C19orf84: variants seen among roughly 807,000 people sequenced by gnomAD.
C19orf84 encodes the protein piRNA-mediated silencing protein C19orf84.
In C19orf84, 1 loss-of-function variant was observed where a neutral mutation model predicts 4.0. That is an observed-to-expected ratio of 0.25 (90% CI 0.09 to 1.19). The LOEUF is 1.19. C19orf84 is among the 50% of genes most tolerant of loss of function. C19orf84 has a pLI of 0.50. For missense variants in C19orf84, 224 were observed against 246.8 expected (o/e 0.91, Z 0.62); for synonymous variants, 123 against 109.6 (o/e 1.12, Z -0.76).
rs1180011220 is a variant in C19orf84 at position 51,389,199 on chromosome 19, C to T, written c.346G>A (p.Gly116Ser). The change falls in exon 2 of 2, where the codon GGC becomes AGC. Residue 116 changes from glycine (G) to serine (S), a missense_variant. Coordinates refer to ENST00000574814, the MANE Select transcript of C19orf84 (RefSeq NM_001193623.2). The surrounding 1 kb of genome is among the most constrained non-coding windows in gnomAD (Gnocchi z 4.7). Reference sequence around the variant, plus strand: ...CGTCGATGCAGGCCTCGGCCCCAGCCTGGCCTGTGCCTGACTTCCCAGCCT... The same window carrying T: ...CGTCGATGCAGGCCTCGGCCCCAGCTTGGCCTGTGCCTGACTTCCCAGCCT... ...RGGWEVRHRP[G>S]WGRGLHRRGL... 6.5e-7 allele frequency: 1 copy of T among 1,534,626 alleles called. No homozygotes were observed. The highest frequency in any genetic ancestry group is 8.7e-7 in the Non-Finnish European group (1 of 1,146,006).
chr19:51,388,766 G>T lies in C19orf84; in HGVS notation c.*218C>A, dbSNP rs1284741524. ...TGAGGCCATCAAGGAGACAGGTTTG[G>T]GTACGAGGTTTAGGATTTTCTTCTC... On this transcript the variant is annotated 3_prime_UTR_variant, in exon 2 of 2. Coordinates refer to ENST00000574814, the MANE Select transcript of C19orf84 (RefSeq NM_001193623.2). 1.7e-6 allele frequency: 1 copy of T among 595,420 alleles called. No individual in the cohort carries two copies. Among genetic ancestry groups the T allele is most frequent in the Non-Finnish European group, 3.0e-6 (1 of 338,466 alleles). 36.9% of individuals were successfully genotyped at this position (595,420 alleles called of 1,614,324 possible).
At position 51,388,351 on chromosome 19, in the gene C19orf84, G is replaced by A. The variant is rs1599866097; in HGVS notation, c.*633C>T. On this transcript the variant is annotated 3_prime_UTR_variant, in exon 2 of 2. Transcript: ENST00000574814. ...TTTCTACCTGAAGAGCAGGCAGTGG[G>A]GTGGGGAGTCACAGGTGTCTGGGTA... 1 of 156,482 alleles carries A rather than the reference G, an allele frequency of 6.4e-6. No individual in the cohort carries two copies. Among genetic ancestry groups the A allele is most frequent in the Non-Finnish European group, 1.4e-5 (1 of 70,674 alleles). 9.7% of individuals were successfully genotyped at this position (156,482 alleles called of 1,614,324 possible). A position where few individuals can be genotyped will look rare whatever the true frequency, so the allele number is the denominator to read the frequency against.
At position 51,388,883 on chromosome 19, in the gene C19orf84, A is replaced by C; in HGVS notation, c.*101T>G. Reference sequence around the variant, plus strand: ...GGTTTTGGGGAGAGGGGAGGATGGAAGATGTTTCTTGGGGTTCTTCTGACA... The same window carrying C: ...GGTTTTGGGGAGAGGGGAGGATGGACGATGTTTCTTGGGGTTCTTCTGACA... On this transcript the variant is annotated 3_prime_UTR_variant, in exon 2 of 2. Coordinates refer to ENST00000574814, the MANE Select transcript of C19orf84 (RefSeq NM_001193623.2). 7.6e-7 allele frequency: 1 copy of C among 1,312,760 alleles called. No homozygotes were observed. The highest frequency in any genetic ancestry group is 1.0e-6 in the Non-Finnish European group (1 of 973,728). 81.3% of individuals were successfully genotyped at this position (1,312,760 alleles called of 1,614,324 possible).
At position 51,389,335 on chromosome 19, in the gene C19orf84, G is replaced by A. The variant is rs1298150609; in HGVS notation, c.210C>T (p.Ser70=). ...RLDTLSCLLH[S]ALLGAYTFQQ... ...GGAAGGTGTAGGCCCCCAGCAGGGC[G>A]CTGTGCAGGAGGCAGGAGAGGGTGT... Residue 70 remains serine (S), a synonymous_variant, in exon 2 of 2, where the codon AGC becomes AGT. Coordinates refer to ENST00000574814, the MANE Select transcript of C19orf84 (RefSeq NM_001193623.2). This position sits in a 1 kb window ranked among gnomAD's most constrained non-coding sequence, Gnocchi z 4.7. 13 of 1,534,504 alleles carry A rather than the reference G, an allele frequency of 8.5e-6. No individual in the cohort carries two copies. The highest frequency in any genetic ancestry group is 3.9e-5 in the Admixed American group (2 of 50,694).
At position 51,389,853 on chromosome 19, in the gene C19orf84, G is replaced by T. The variant is rs1987252976; in HGVS notation, c.36-344C>A. On this transcript the variant is annotated intron_variant, in intron 1 of 1. Transcript: ENST00000574814. This position sits in a 1 kb window ranked among gnomAD's most constrained non-coding sequence, Gnocchi z 4.7. Reference sequence around the variant, plus strand: ...GATGGTATCAAAGGTGCGTATGACAGCGCTGGGTCTGGTAAGTGCTAAAAC... The same window carrying T: ...GATGGTATCAAAGGTGCGTATGACATCGCTGGGTCTGGTAAGTGCTAAAAC... Among the ~76,000 whole-genome samples the T allele has an allele frequency of 6.6e-6, 1 of 152,204 alleles. No homozygotes were observed. The highest frequency in any genetic ancestry group is 2.4e-5 in the African/African-American group (1 of 41,452).
In C19orf84 at chr19:51,389,418, G is replaced by C. The variant is rs1361422983; in HGVS notation, c.127C>G (p.Pro43Ala). 6.8e-6 allele frequency: 10 copies of C among 1,477,354 alleles called. No homozygotes were observed. Among genetic ancestry groups the C allele is most frequent in the Non-Finnish European group, 9.0e-6 (10 of 1,117,264 alleles). The allele number at this position is 1,477,354 out of a possible 1,614,324, so 91.5% of individuals were successfully genotyped here. ...PPPLLLNSTD[P>A]THLGLPESVA... ...CTCTCCGGGAGCCCCAGGTGGGTGGGGTCTGTGGAGTTCAGGAGCAAGGGT... is the reference window on the plus strand; with the variant it reads ...CTCTCCGGGAGCCCCAGGTGGGTGGCGTCTGTGGAGTTCAGGAGCAAGGGT... The change falls in exon 2 of 2, where the codon CCC becomes GCC. Residue 43 changes from proline to alanine, a missense_variant. By Grantham distance (27) the Pro-to-Ala change is conservative. Coordinates refer to ENST00000574814, the MANE Select transcript of C19orf84 (RefSeq NM_001193623.2). This position sits in a 1 kb window ranked among gnomAD's most constrained non-coding sequence, Gnocchi z 4.7.
chr19:51,389,366 C>T lies in C19orf84; in HGVS notation c.179G>A (p.Arg60His). 6.6e-7 allele frequency: 1 copy of T among 1,520,870 alleles called. No individual in the cohort carries two copies. The allele number at this position is 1,520,870 out of a possible 1,614,324, so 94.2% of individuals were successfully genotyped here. The change falls in exon 2 of 2, where the codon CGC (arginine) becomes CAC (histidine). Residue 60 changes from arginine to histidine, a missense_variant. Transcript: ENST00000574814. This position sits in a 1 kb window ranked among gnomAD's most constrained non-coding sequence, Gnocchi z 4.7. ...ESVASVTVPIRLDTLSCLLHS... is the reference protein window; with the variant it reads ...ESVASVTVPIHLDTLSCLLHS... ...CAGGAGGCAGGAGAGGGTGTCCAGGCGTATGGGCACGGTGACAGAGGCCAC... is the reference window on the plus strand; with the variant it reads ...CAGGAGGCAGGAGAGGGTGTCCAGGTGTATGGGCACGGTGACAGAGGCCAC...
At position 51,388,612 on chromosome 19, in the gene C19orf84, GAAGA is replaced by G; in HGVS notation, c.*368_*371del. 3.6e-6 allele frequency: 1 copy of G among 274,880 alleles called. No individual in the cohort carries two copies. The highest frequency in any genetic ancestry group is 6.9e-6 in the Non-Finnish European group (1 of 145,092). The allele number at this position is 274,880 out of a possible 1,614,324, so 17.0% of individuals were successfully genotyped here. ...TTGGGAACAGGGTATTGAGAGTGGG[GAAGA>G]GAGAGGCAGGTAGGAGTGGCTTTGG... On this transcript the variant is annotated 3_prime_UTR_variant, in exon 2 of 2. Transcript: ENST00000574814.
rs1202541443 is a variant in C19orf84, at chr19:51,388,849, T to A, written c.*135A>T. ...CCAAGTGCCTCACAGGAGCTACTCCTGGGATTGTGGTTTTGGGGAGAGGGG... is the reference window on the plus strand; with the variant it reads ...CCAAGTGCCTCACAGGAGCTACTCCAGGGATTGTGGTTTTGGGGAGAGGGG... On this transcript the variant is annotated 3_prime_UTR_variant, in exon 2 of 2. Transcript: ENST00000574814. 3.0e-6 allele frequency: 3 copies of A among 1,007,852 alleles called. No individual in the cohort carries two copies. Among genetic ancestry groups the A allele is most frequent in the Non-Finnish European group, 4.2e-6 (3 of 707,538 alleles). The allele number at this position is 1,007,852 out of a possible 1,614,324, so 62.4% of individuals were successfully genotyped here.
At chr19:51,390,066 C>T (rs1439142007) in intron 1 of C19orf84, among the ~76,000 whole-genome samples, 1 of 151,980 alleles carries the variant, frequency 6.6e-6, no homozygotes, top group Non-Finnish European at 1.5e-5. Context: ...GCAACCTCTG[C>T]CTCTCGGGTT....
At chr19:51,390,399 C>A in intron 1 of C19orf84, 79 bp downstream of exon 1, 1 of 1,431,122 alleles carries the variant, frequency 7.0e-7, no homozygotes, top group East Asian at 2.6e-5. Flanking sequence ...GTTCAGCGCG[C>A]CCTTTCTCTC....
At position 51,389,107 on chromosome 19, in the gene C19orf84, G is replaced by C; in HGVS notation, c.438C>G (p.Thr146=). 6.5e-7 allele frequency: 1 copy of C among 1,535,890 alleles called. No homozygotes were observed. Among genetic ancestry groups the C allele is most frequent in the South Asian group, 1.2e-5 (1 of 84,054 alleles). Residue 146 remains threonine, a synonymous_variant, in exon 2 of 2, where the codon ACC becomes ACG. Transcript: ENST00000574814. This position sits in a 1 kb window ranked among gnomAD's most constrained non-coding sequence, Gnocchi z 4.7. ...GTGGTGATGGCAGTGTCATTGGTGG[G>C]GTCCTGGGGCCAGCCCCAGGGCCCC... The part of the protein sequence containing the change: ...RAGGPGAGPR[T]PPMTLPSPPT...
Position 51,389,721 on chromosome 19 carries a change from C to T in C19orf84, c.36-212G>A, listed in dbSNP as rs996476775. Among the ~76,000 whole-genome samples the T allele has an allele frequency of 6.6e-6, 1 of 152,232 alleles. No homozygotes were observed. The highest frequency in any genetic ancestry group is 1.5e-5 in the Non-Finnish European group (1 of 68,044). On this transcript the variant is annotated intron_variant, in intron 1 of 1. Coordinates refer to ENST00000574814, the MANE Select transcript of C19orf84 (RefSeq NM_001193623.2). This position sits in a 1 kb window ranked among gnomAD's most constrained non-coding sequence, Gnocchi z 4.7. ...CTCTGCCATGAACTTCGGCACCAGA[C>T]AGAACTCAGTTCCAATTCCTGGTGG...
Position 51,388,859 on chromosome 19 carries a change from G to C in C19orf84, c.*125C>G, listed in dbSNP as rs1987180538. ...CACAGGAGCTACTCCTGGGATTGTG[G>C]TTTTGGGGAGAGGGGAGGATGGAAG... On this transcript the variant is annotated 3_prime_UTR_variant, in exon 2 of 2. Coordinates refer to ENST00000574814, the MANE Select transcript of C19orf84 (RefSeq NM_001193623.2). 2 of 1,140,442 alleles carry C rather than the reference G, an allele frequency of 1.8e-6. No individual in the cohort carries two copies. Among genetic ancestry groups the C allele is most frequent in the African/African-American group, 3.1e-5 (2 of 63,732 alleles). The allele number at this position is 1,140,442 out of a possible 1,614,324, so 70.6% of individuals were successfully genotyped here. A position where few individuals can be genotyped will look rare whatever the true frequency, so the allele number is the denominator to read the frequency against.
At position 51,388,845 on chromosome 19, in the gene C19orf84, C is replaced by T; in HGVS notation, c.*139G>A. On this transcript the variant is annotated 3_prime_UTR_variant, in exon 2 of 2. Transcript: ENST00000574814. ...TTCACCAAGTGCCTCACAGGAGCTA[C>T]TCCTGGGATTGTGGTTTTGGGGAGA... The T allele has an allele frequency of 1.0e-6, 1 of 969,150 alleles. No individual in the cohort carries two copies. 60.0% of individuals were successfully genotyped at this position (969,150 alleles called of 1,614,324 possible). A position where few individuals can be genotyped will look rare whatever the true frequency, so the allele number is the denominator to read the frequency against.
At position 51,388,921 on chromosome 19, in the gene C19orf84, C is replaced by T. The variant is rs565944367; in HGVS notation, c.*63G>A. ...GGTTCTTCTGACAGGGCTGAGATCA[C>T]TCTGGGCCCCAGGAAAACCCTCCTG... On this transcript the variant is annotated 3_prime_UTR_variant, in exon 2 of 2. Coordinates refer to ENST00000574814, the MANE Select transcript of C19orf84 (RefSeq NM_001193623.2). 2.4e-5 allele frequency: 37 copies of T among 1,516,712 alleles called. No homozygotes were observed. In the Admixed American group the frequency reaches 5.6e-4, roughly 23 times the overall value. The allele number at this position is 1,516,712 out of a possible 1,614,324, so 94.0% of individuals were successfully genotyped here. A position where few individuals can be genotyped will look rare whatever the true frequency, so the allele number is the denominator to read the frequency against.
Position 51,389,048 on chromosome 19 carries a change from G to A in C19orf84, c.497C>T (p.Ala166Val), listed in dbSNP as rs1434768715. The A allele has an allele frequency of 3.3e-6, 5 of 1,535,790 alleles. No individual in the cohort carries two copies. In the Admixed American group the frequency reaches 9.8e-5, roughly 30 times the overall value. ...TLPAQDGKKE[A>V]RGPEPPLETP... ...TTCCAGGGGTGGCTCTGGACCTCGA[G>A]CTTCTTTCTTCCCATCCTGGGCAGG... The change falls in exon 2 of 2, where the codon GCT becomes GTT. Residue 166 changes from alanine to valine, a missense_variant. By Grantham distance (64) the Ala-to-Val change is moderately conservative. Coordinates refer to ENST00000574814, the MANE Select transcript of C19orf84 (RefSeq NM_001193623.2). This position sits in a 1 kb window ranked among gnomAD's most constrained non-coding sequence, Gnocchi z 4.7.
Position 51,389,611 on chromosome 19 carries a change from C to T in C19orf84, c.36-102G>A. ...GCACCTCTGCAGAAGGCAGCCATCT[C>T]TCCATCCTCAGTGCCCACCTGTGAC... is the stretch of plus-strand genomic sequence containing the variant. On this transcript the variant is annotated intron_variant, in intron 1 of 1. Coordinates refer to ENST00000574814, the MANE Select transcript of C19orf84 (RefSeq NM_001193623.2). This position sits in a 1 kb window ranked among gnomAD's most constrained non-coding sequence, Gnocchi z 4.7. 6 of 1,024,300 alleles carry T rather than the reference C, an allele frequency of 5.9e-6. No individual in the cohort carries two copies. The highest frequency in any genetic ancestry group is 7.7e-6 in the Non-Finnish European group (6 of 778,206). The allele number at this position is 1,024,300 out of a possible 1,614,324, so 63.5% of individuals were successfully genotyped here.
At position 51,389,327 on chromosome 19, in the gene C19orf84, A is replaced by G. The variant is rs1568484381; in HGVS notation, c.218T>C (p.Leu73Pro). 6 of 1,535,398 alleles carry G rather than the reference A, an allele frequency of 3.9e-6. No homozygotes were observed. The highest frequency in any genetic ancestry group is 5.2e-6 in the Non-Finnish European group (6 of 1,146,410). The change falls in exon 2 of 2, where the codon CTG (leucine) becomes CCG (proline). Residue 73 changes from leucine (L) to proline (P), a missense_variant. Transcript: ENST00000574814. This position sits in a 1 kb window ranked among gnomAD's most constrained non-coding sequence, Gnocchi z 4.7. Reference sequence around the variant, plus strand: ...GGCCTGTTGGAAGGTGTAGGCCCCCAGCAGGGCGCTGTGCAGGAGGCAGGA... The same window carrying G: ...GGCCTGTTGGAAGGTGTAGGCCCCCGGCAGGGCGCTGTGCAGGAGGCAGGA... ...TLSCLLHSALLGAYTFQQALP... is the reference protein window; with the variant it reads ...TLSCLLHSALPGAYTFQQALP...
Sources: allele counts gnomAD v4.1 joint callset (sites outside exome capture counted in the v4.1 genomes callset), GRCh38; gene constraint gnomAD v4.1.1; non-coding constraint Gnocchi (gnomAD v3.1); transcripts MANE v1.5; gene names NCBI Gene and HGNC (gene_info 2026-07-23, HGNC 2026-07-21).